MYPN: variants seen among roughly 807,000 people sequenced by gnomAD.
The protein encoded by MYPN is sarcomeric protein myopalladin, 145 kDa (MYOP).
A neutral mutation model predicts 129.4 loss-of-function variants in MYPN; 63 were observed. The observed-to-expected ratio is 0.49, with a 90% confidence interval of 0.40 to 0.60. The LOEUF (loss-of-function observed/expected upper bound fraction) is 0.60. MYPN is among the 20% of genes least tolerant of loss of function. The pLI is 0.00. For synonymous variants in MYPN, 629 were observed against 600.9 expected (o/e 1.05, Z -0.68); for missense variants, 1,596 against 1,635.4 (o/e 0.98, Z 0.42).
chr10:68,136,849 T>G, intron 2 of MYPN: 13 of 1,164,292 alleles, frequency 1.1e-5, no homozygotes, highest in Non-Finnish European at 1.5e-5. Flanking sequence ...TAGAGTTACA[T>G]TGCTTTAAAA....
intron 2 of MYPN, among the ~76,000 whole-genome samples, chr10:68,134,578 C>G (rs1480084831): frequency 6.6e-6 from 1 of 152,062 alleles, no homozygotes; most frequent in East Asian, 1.9e-4. Context: ...GGGTGGATCA[C>G]GAAGTCAAGA....
At chr10:68,154,251 T>C (rs1241024648) in intron 6 of MYPN, among the ~76,000 whole-genome samples, 1 of 151,950 alleles carries the variant, frequency 6.6e-6, no homozygotes, top group Non-Finnish European at 1.5e-5. Context: ...TGAAGGGAGG[T>C]CGATGATCAA....
intron 16 of MYPN, among the ~76,000 whole-genome samples, chr10:68,198,197 T>G (rs1236776622): frequency 6.6e-6 from 1 of 152,168 alleles, no homozygotes; most frequent in Non-Finnish European, 1.5e-5. Flanking sequence ...CTGGAAGGCC[T>G]TTATTACTAT....
chr10:68,206,730 C>T (rs764524615), intron 18 of MYPN, 40 bp from the exon 19 acceptor site: 1 of 1,613,772 alleles, frequency 6.2e-7, no homozygotes. Context: ...GCATTTCTGC[C>T]CCCCGATAAA....
At chr10:68,098,009 G>A (rs531107245) in intron 1 of MYPN, among the ~76,000 whole-genome samples, 1 of 152,296 alleles carries the variant, frequency 6.6e-6, no homozygotes, top group Non-Finnish European at 1.5e-5. Flanking sequence ...ACTTTGGGAG[G>A]CCAAGGTGGG....
At chr10:68,110,155 G>A (rs922408050) in intron 1 of MYPN, among the ~76,000 whole-genome samples, 1 of 152,110 alleles carries the variant, frequency 6.6e-6, no homozygotes, top group Admixed American at 6.5e-5. Flanking sequence ...AAAAGGATAC[G>A]CTTGCTATAT....
chr10:68,166,407 C>T lies in MYPN; in HGVS notation c.1714C>T (p.Gln572Ter). ...CCACTCAGAGCCTCCATCTGTGGAA[C>T]AACCCCCCAAACCCAAACTCGAGGG... is the stretch of plus-strand genomic sequence containing the variant. ...PPHSEPPSVE[Q>*]PPKPKLEGVL... Residue 572 changes from glutamine (Q) to a stop codon, truncating the protein, a stop_gained, in exon 10 of 20, where the codon CAA (glutamine) becomes TAA (stop). Transcript: ENST00000358913. LOFTEE classifies it high-confidence loss of function. 1 of 1,614,154 alleles carries T rather than the reference C, an allele frequency of 6.2e-7. No homozygotes were observed. The highest frequency in any genetic ancestry group is 1.1e-5 in the South Asian group (1 of 91,072).
At position 68,160,195 on chromosome 10, in the gene MYPN, T is replaced by C. The variant is rs554442626; in HGVS notation, c.1460-1534T>C. Among the ~76,000 whole-genome samples, 3 of 152,010 alleles carry C rather than the reference T, an allele frequency of 2.0e-5. No individual in the cohort carries two copies. The South Asian group carries it at 6.2e-4, about 32-fold the overall frequency. ...GGCCAGGCCAAGGCAGACGGATCAC[T>C]TGAGGTCGGTAGTTTGAGACCAGCC... On this transcript the variant is annotated intron_variant, in intron 7 of 19. Transcript: ENST00000358913.
chr10:68,148,609 G>A, intron 5 of MYPN, 142 bp downstream of exon 5: 1 of 757,976 alleles, frequency 1.3e-6, no homozygotes, highest in Admixed American at 2.0e-5. Flanking sequence ...TCTGATGTTT[G>A]AGAGCAGTGG....
chr10:68,182,744 G>T (rs373124750), intron 12 of MYPN, among the ~76,000 whole-genome samples: 1 of 151,966 alleles, frequency 6.6e-6, no homozygotes, highest in Non-Finnish European at 1.5e-5. Context: ...CTGACCTCAG[G>T]TGATCCACCT....
At chr10:68,106,121 T>C (rs1432911582), upstream of MYPN, 2 of 453,498 alleles carry the variant, frequency 4.4e-6, no homozygotes, top group Non-Finnish European at 8.8e-6. Context: ...AGTTAGGCAG[T>C]GAGATTTGGA....
chr10:68,136,284 A>G, intron 2 of MYPN: 16 of 990,498 alleles, frequency 1.6e-5, no homozygotes, highest in Non-Finnish European at 1.9e-5. Flanking sequence ...TTCTTTAACC[A>G]TCTGGACCTG....
chr10:68,094,307 C>T (rs2041945245), intron 1 of MYPN, among the ~76,000 whole-genome samples: 1 of 151,730 alleles, frequency 6.6e-6, no homozygotes, highest in Admixed American at 6.6e-5. Context: ...TCTTGTTGCC[C>T]AGGCTGGAGT....
In MYPN at chr10:68,173,946, C is replaced by G. The variant is rs1363560719; in HGVS notation, c.1974-120C>G. 3.5e-6 allele frequency: 3 copies of G among 849,562 alleles called. No homozygotes were observed. The African/African-American group carries it at 5.0e-5, about 14-fold the overall frequency. 52.6% of individuals were successfully genotyped at this position (849,562 alleles called of 1,614,324 possible). On this transcript the variant is annotated intron_variant, in intron 10 of 19. Coordinates refer to ENST00000358913, the MANE Select transcript of MYPN (RefSeq NM_032578.4). The stretch of plus-strand genomic sequence containing the variant: ...CCTCCCAAAGTGCTGGGATTACAGG[C>G]ATGAGCCACCATGCCCCGCCTATCA...
In MYPN at chr10:68,173,574, T is replaced by TTTTATTTA. The variant is rs10688159; in HGVS notation, c.1974-453_1974-446dup. Among the ~76,000 whole-genome samples, 475 of 140,826 alleles carry TTTTATTTA rather than the reference T, an allele frequency of 3.4e-3. 3 individuals carry two copies. Among genetic ancestry groups the TTTTATTTA allele is most frequent in the Middle Eastern group, 0.011 (3 of 280 alleles). 92.4% of individuals were successfully genotyped at this position (140,826 alleles called of 152,430 possible). ...TGTGTTCTTTATCAACATCAAGTTA[T>TTTTATTTA]TTTATTTATTTATTTATTTATTTAT... On this transcript the variant is annotated intron_variant, in intron 10 of 19. Coordinates refer to ENST00000358913, the MANE Select transcript of MYPN (RefSeq NM_032578.4).
chr10:68,211,229 C>T lies in MYPN; in HGVS notation c.*774C>T. On this transcript the variant is annotated 3_prime_UTR_variant, in exon 20 of 20. Transcript: ENST00000358913. ...TAGAACTAAAGGATTGGTAATAAAC[C>T]AATCAGAAAGAAATCCTCTGTGGGG... is the stretch of plus-strand genomic sequence containing the variant. 1 of 453,966 alleles carries T rather than the reference C, an allele frequency of 2.2e-6. No individual in the cohort carries two copies. Among genetic ancestry groups the T allele is most frequent in the South Asian group, 1.6e-5 (1 of 64,472 alleles). 28.1% of individuals were successfully genotyped at this position (453,966 alleles called of 1,614,324 possible). A position where few individuals can be genotyped will look rare whatever the true frequency, so the allele number is the denominator to read the frequency against.
At chr10:68,196,675 G>T (rs1293917350) in intron 15 of MYPN, among the ~76,000 whole-genome samples, 1 of 151,774 alleles carries the variant, frequency 6.6e-6, no homozygotes, top group African/African-American at 2.4e-5. Flanking sequence ...TGTAAAGACG[G>T]GGTTTCACCA....
intron 14 of MYPN, among the ~76,000 whole-genome samples, chr10:68,194,735 C>T (rs950272618): frequency 2.0e-5 from 3 of 152,220 alleles, no homozygotes; most frequent in African/African-American, 7.2e-5. Flanking sequence ...GACCTTAGTA[C>T]TATTTTTTCA....
Position 68,174,193 on chromosome 10 carries a change from C to T in MYPN, c.2101C>T (p.Pro701Ser). 1 of 1,614,034 alleles carries T rather than the reference C, an allele frequency of 6.2e-7. No homozygotes were observed. Among genetic ancestry groups the T allele is most frequent in the South Asian group, 1.1e-5 (1 of 91,076 alleles). The change falls in exon 11 of 20, where the codon CCA (proline) becomes TCA (serine). Residue 701 changes from proline to serine, a missense_variant. Coordinates refer to ENST00000358913, the MANE Select transcript of MYPN (RefSeq NM_032578.4). ...GACTGTTTTGAACTCCAATGCTCCC[C>T]CAGCGGTGACAACATCCAGTAAGCA... ...SMTVLNSNAPPAVTTSSKQVK... is the reference protein window; with the variant it reads ...SMTVLNSNAPSAVTTSSKQVK...
Sources: gnomAD v4.1 joint callset for allele counts (sites outside exome capture counted in the v4.1 genomes callset) on GRCh38, gnomAD v4.1.1 for gene constraint, MANE v1.5 for transcripts, NCBI Gene and HGNC (gene_info 2026-07-23, HGNC 2026-07-21) for gene names.